The following MARS1 variants were observed in gnomAD, a reference collection of about 807,000 sequenced individuals.
MARS1 encodes the protein methionyl-tRNA synthetase 1, also known as methionine--tRNA ligase, cytoplasmic.
Under a neutral mutation model 119.5 loss-of-function variants are expected in MARS1, and 80 were observed. That is an observed-to-expected ratio of 0.67 (90% CI 0.56 to 0.81). MARS1 has a LOEUF of 0.81. Among genes scored for constraint, MARS1 ranks in the 30% least tolerant of loss-of-function variants. MARS1 has a pLI of 0.00. For synonymous variants in MARS1, 418 were observed against 433.4 expected (o/e 0.96, Z 0.44); for missense variants, 945 against 1,116.5 (o/e 0.85, Z 2.19).
At position 57,500,456 on chromosome 12, in the gene MARS1, C is replaced by G. The variant is rs764414829; in HGVS notation, c.1227C>G (p.Gly409=). The change falls in exon 10 of 21, where the codon GGC becomes GGG. Residue 409 remains glycine (G), a synonymous_variant. Transcript: ENST00000262027. The part of the protein sequence containing the change: ...RFVEGVCPFC[G]YEEARGDQCD... ...TGGAGGGCGTGTGTCCCTTCTGTGG[C>G]TATGAGGAGGCTCGGGGTGACCAGT... 2 of 1,614,208 alleles carry G rather than the reference C, an allele frequency of 1.2e-6. No homozygotes were observed. The highest frequency in any genetic ancestry group is 1.7e-6 in the Non-Finnish European group (2 of 1,180,048).
In MARS1 at chr12:57,500,495, C is replaced by G. The variant is rs754473473; in HGVS notation, c.1266C>G (p.Gly422=). 2 of 1,614,152 alleles carry G rather than the reference C, an allele frequency of 1.2e-6. No individual in the cohort carries two copies. The highest frequency in any genetic ancestry group is 3.3e-5 in the Admixed American group (2 of 60,022). The change falls in exon 10 of 21, where the codon GGC becomes GGG. Residue 422 remains glycine, a synonymous_variant. Transcript: ENST00000262027. ...GGGGTGACCAGTGTGACAAGTGTGG[C>G]AAGCTCATCAATGCTGTCGAGCTTA... ...EARGDQCDKC[G]KLINAVELKK... is the part of the protein sequence containing the mutation.
At chr12:57,502,793 T>TG (rs1876991426) in intron 10 of MARS1, among the ~76,000 whole-genome samples, 1 of 148,722 alleles carries the variant, frequency 6.7e-6, no homozygotes. Context: ...TTTGGGAGGC[T>TG]GAGGCGGGCA....
At chr12:57,504,187 TGCA>T (rs1187758904) in intron 10 of MARS1, 35 bp from the exon 11 acceptor site, 1 of 1,509,776 alleles carries the variant, frequency 6.6e-7, no homozygotes, top group South Asian at 1.1e-5. Context: ...TCCCCTGGCC[TGCA>T]GGCCTGATCT....
intron 15 of MARS1, 96 bp from the exon 16 acceptor site, chr12:57,514,624 A>G: frequency 6.7e-7 from 1 of 1,487,932 alleles, no homozygotes; most frequent in Non-Finnish European, 9.3e-7. Flanking sequence ...TCCTGAGAGA[A>G]TGTACAGCTG....
intron 15 of MARS1, among the ~76,000 whole-genome samples, chr12:57,514,219 G>T (rs548161203): frequency 6.9e-6 from 1 of 144,780 alleles, no homozygotes; most frequent in African/African-American, 2.6e-5. Context: ...GTGCAGTGGC[G>T]CGATCTTGGC....
At position 57,512,032 on chromosome 12, in the gene MARS1, A is replaced by G; in HGVS notation, c.1564A>G (p.Thr522Ala). 2 of 1,614,150 alleles carry G rather than the reference A, an allele frequency of 1.2e-6. No homozygotes were observed. Among genetic ancestry groups the G allele is most frequent in the Non-Finnish European group, 1.7e-6 (2 of 1,180,014 alleles). ...GGTATTCTATGTCTGGTTTGATGCC[A>G]CTATTGGCTATCTGTCCATCACAGC... ...DKVFYVWFDATIGYLSITANY... is the reference protein window; with the variant it reads ...DKVFYVWFDAAIGYLSITANY... The change falls in exon 13 of 21, where the codon ACT becomes GCT. Residue 522 changes from threonine (T) to alanine (A), a missense_variant. Thr to Ala is a moderately conservative substitution (Grantham distance 58). Coordinates refer to ENST00000262027, the MANE Select transcript of MARS1 (RefSeq NM_004990.4).
chr12:57,489,052 TC>T lies in MARS1; in HGVS notation c.146del (p.Pro49LeufsTer55). ...CVVPFLTRPKVPVLQLDSGNY... is the reference protein window; with the variant it reads ...CVVPFLTRPKXPVLQLDSGNY... ...GTCCCGTTCCTGACCCGGCCTAAGG[TC>T]CCTGTCTTGCAGCTGGATAGCGGCA... On this transcript the variant is annotated frameshift_variant, in exon 2 of 21. Coordinates refer to ENST00000262027, the MANE Select transcript of MARS1 (RefSeq NM_004990.4). LOFTEE classifies it high-confidence loss of function. 1 of 1,614,030 alleles carries T rather than the reference TC, an allele frequency of 6.2e-7. No individual in the cohort carries two copies. Among genetic ancestry groups the T allele is most frequent in the African/African-American group, 1.3e-5 (1 of 74,978 alleles).
chr12:57,489,014 A>G lies in MARS1; in HGVS notation c.110-5A>G, dbSNP rs749110648. Reference sequence around the variant, plus strand: ...TTTTTAACCCATTTTCCATTCTTGCATCAGATTGTGTGGTCCCGTTCCTGA... The same window carrying G: ...TTTTTAACCCATTTTCCATTCTTGCGTCAGATTGTGTGGTCCCGTTCCTGA... On this transcript the variant is annotated splice_polypyrimidine_tract_variant and splice_region_variant and intron_variant, in intron 1 of 20. Transcript: ENST00000262027. The G allele has an allele frequency of 6.2e-6, 10 of 1,602,138 alleles. No individual in the cohort carries two copies. In the Admixed American group the frequency reaches 1.5e-4, roughly 25 times the overall value.
Position 57,516,342 on chromosome 12 carries a change from G to C in MARS1, c.2556+5G>C. 3 of 1,614,148 alleles carry C rather than the reference G, an allele frequency of 1.9e-6. No homozygotes were observed. Among genetic ancestry groups the C allele is most frequent in the Non-Finnish European group, 2.5e-6 (3 of 1,179,992 alleles). Reference sequence around the variant, plus strand: ...ATGGATGAAGTGACAAAACAAGTATGAAGCTTAAGCCCTGTGGGAGACTGG... The same window carrying C: ...ATGGATGAAGTGACAAAACAAGTATCAAGCTTAAGCCCTGTGGGAGACTGG... On this transcript the variant is annotated splice_donor_5th_base_variant and intron_variant, in intron 20 of 20. Transcript: ENST00000262027.
At chr12:57,495,187 C>G (rs1266689113) in intron 7 of MARS1, among the ~76,000 whole-genome samples, 1 of 151,090 alleles carries the variant, frequency 6.6e-6, no homozygotes, top group African/African-American at 2.4e-5. Flanking sequence ...CCCCCCACCT[C>G]CCGGATGGGG....
At chr12:57,499,977 A>T (rs1334939428) in intron 9 of MARS1, 2 of 311,524 alleles carry the variant, frequency 6.4e-6, no homozygotes, top group Non-Finnish European at 1.3e-5. Flanking sequence ...TTAGTTTAGC[A>T]CTTGGACTGA....
At chr12:57,493,562 ATATATTATAATATATAATATATAATATAT>A (rs1876230633) in intron 7 of MARS1, among the ~76,000 whole-genome samples, 2 of 3,134 alleles carry the variant, frequency 6.4e-4, no homozygotes, top group South Asian at 0.028. Context: ...ATAATATATA[ATATATTATAATATATAATATATAATATAT>A]TATAATATAT....
At chr12:57,498,764 T>TC in intron 9 of MARS1, 141 bp downstream of exon 9, 1 of 756,180 alleles carries the variant, frequency 1.3e-6, no homozygotes, top group Non-Finnish European at 2.2e-6. Flanking sequence ...TGGGCAGTTA[T>TC]CCAGGCATTT....
intron 1 of MARS1, 43 bp from the exon 2 acceptor site, chr12:57,488,976 T>A: frequency 7.0e-7 from 1 of 1,419,462 alleles, no homozygotes; most frequent in Non-Finnish European, 9.9e-7. Context: ...ATTTCTTTTC[T>A]TTTCCTTTTT....
intron 11 of MARS1, among the ~76,000 whole-genome samples, chr12:57,510,448 G>A (rs1012999364): frequency 2.0e-5 from 3 of 151,432 alleles, no homozygotes; most frequent in Non-Finnish European, 2.9e-5. Flanking sequence ...ACTCCAGCCC[G>A]GGCAGCTGAG....
chr12:57,515,871 T>A, intron 18 of MARS1, 49 bp from the exon 19 acceptor site: 1 of 1,425,428 alleles, frequency 7.0e-7, no homozygotes, highest in East Asian at 2.3e-5. Context: ...TAGTCTATGG[T>A]AGAGTCTGTA....
Position 57,516,325 on chromosome 12 carries a change from A to C in MARS1, c.2544A>C (p.Glu848Asp). ...KPQQIQALMD[E>D]VTKQGNIVRE... ...AGCAGATACAAGCGCTGATGGATGA[A>C]GTGACAAAACAAGTATGAAGCTTAA... Residue 848 changes from glutamate to aspartate, a missense_variant, in exon 20 of 21, where the codon GAA becomes GAC. Coordinates refer to ENST00000262027, the MANE Select transcript of MARS1 (RefSeq NM_004990.4). 1 of 1,614,208 alleles carries C rather than the reference A, an allele frequency of 6.2e-7. No individual in the cohort carries two copies. Among genetic ancestry groups the C allele is most frequent in the Non-Finnish European group, 8.5e-7 (1 of 1,180,010 alleles).
chr12:57,494,848 C>T (rs1224733839), intron 7 of MARS1, among the ~76,000 whole-genome samples: 1 of 152,108 alleles, frequency 6.6e-6, no homozygotes, highest in Non-Finnish European at 1.5e-5. Context: ...CAACAGCATC[C>T]CAAGGCAGAA....
intron 14 of MARS1, 45 bp from the exon 15 acceptor site, chr12:57,512,706 G>A (rs773304902): frequency 2.1e-6 from 3 of 1,431,490 alleles, no homozygotes; most frequent in Non-Finnish European, 3.0e-6. Context: ...AGAGGGGAAG[G>A]ATGTGATGTG....
Sources: gnomAD v4.1 joint callset for allele counts (sites outside exome capture counted in the v4.1 genomes callset) on GRCh38, gnomAD v4.1.1 for gene constraint, MANE v1.5 for transcripts, NCBI Gene and HGNC (gene_info 2026-07-23, HGNC 2026-07-21) for gene names.